Variants in TRAM1 observed in about 807,000 individuals in gnomAD.
TRAM1 encodes the protein translocating chain-associated membrane protein 1.
Under a neutral mutation model 48.7 loss-of-function variants are expected in TRAM1, and 17 were observed. The observed-to-expected ratio is 0.35, with a 90% CI of 0.24 to 0.52. The LOEUF (loss-of-function observed/expected upper bound fraction) is 0.52. Among genes scored for constraint, TRAM1 ranks in the 20% least tolerant of loss-of-function variants. The pLI is 0.94. For missense variants in TRAM1, 351 were observed against 441.5 expected, an observed-to-expected ratio of 0.79 and a Z score of 1.84; for synonymous variants, 182 against 154.0, an observed-to-expected ratio of 1.18 and a Z score of -1.34.
At chr8:70,588,239 G>T (rs1470279786) in intron 6 of TRAM1, among the ~76,000 whole-genome samples, 1 of 151,968 alleles carries the variant, frequency 6.6e-6, no homozygotes, top group East Asian at 1.9e-4. Context: ...CCTACTAGTG[G>T]ATCATGAAAT....
intron 10 of TRAM1, among the ~76,000 whole-genome samples, chr8:70,575,482 G>A (rs980596002): frequency 2.6e-5 from 4 of 151,966 alleles, no homozygotes; most frequent in Non-Finnish European, 4.4e-5. Flanking sequence ...GTAGTGGCAC[G>A]ATCATGGCTC....
chr8:70,581,610 G>A (rs1817075287), intron 10 of TRAM1, among the ~76,000 whole-genome samples: 1 of 152,164 alleles, frequency 6.6e-6, no homozygotes, highest in Non-Finnish European at 1.5e-5. Flanking sequence ...CCACTCCTAT[G>A]TATGTACCCT....
In TRAM1 at chr8:70,574,732, T is replaced by G. The variant is rs1311651069; in HGVS notation, c.*200A>C. 2 of 446,464 alleles carry G rather than the reference T, an allele frequency of 4.5e-6. No homozygotes were observed. Among genetic ancestry groups the G allele is most frequent in the Non-Finnish European group, 7.8e-6 (2 of 256,434 alleles). The allele number at this position is 446,464 out of a possible 1,614,324, so 27.7% of individuals were successfully genotyped here. ...TAAACTATTTTGAAGGCAGGTAGCTTAGTCTAAGCTAAAATATTTTTTTCA... is the reference window on the plus strand; with the variant it reads ...TAAACTATTTTGAAGGCAGGTAGCTGAGTCTAAGCTAAAATATTTTTTTCA... On this transcript the variant is annotated 3_prime_UTR_variant, in exon 11 of 11. Transcript: ENST00000262213.
At position 70,608,398 on chromosome 8, in the gene TRAM1, C is replaced by A; in HGVS notation, c.-199G>T. On this transcript the variant is annotated 5_prime_UTR_variant, in exon 1 of 11. Coordinates refer to ENST00000262213, the MANE Select transcript of TRAM1 (RefSeq NM_014294.6). ...GAAAAAAAAAAACACAACAGCTAGC[C>A]CGCAGCGGGGGCGAGCATGCGCACC... 1 of 499,810 alleles carries A rather than the reference C, an allele frequency of 2.0e-6. No individual in the cohort carries two copies. Among genetic ancestry groups the A allele is most frequent in the Non-Finnish European group, 3.2e-6 (1 of 308,222 alleles). 31.0% of individuals were successfully genotyped at this position (499,810 alleles called of 1,614,324 possible).
At chr8:70,595,968 G>A (rs1817477954) in intron 5 of TRAM1, among the ~76,000 whole-genome samples, 1 of 151,874 alleles carries the variant, frequency 6.6e-6, no homozygotes, top group South Asian at 2.1e-4. Context: ...AGAAGATGGA[G>A]TCATAAAAAG....
chr8:70,595,777 C>T (rs1177624000), intron 5 of TRAM1, among the ~76,000 whole-genome samples: 1 of 152,180 alleles, frequency 6.6e-6, no homozygotes, highest in African/African-American at 2.4e-5. Flanking sequence ...GAGCTGGGCT[C>T]GAATAATGAA....
At chr8:70,584,386 C>A (rs983149400) in intron 8 of TRAM1, among the ~76,000 whole-genome samples, 1 of 152,164 alleles carries the variant, frequency 6.6e-6, no homozygotes, top group African/African-American at 2.4e-5. Flanking sequence ...ACAGGGATGG[C>A]CTCTCTCACC....
intron 1 of TRAM1, among the ~76,000 whole-genome samples, chr8:70,601,637 A>G (rs1817609334): frequency 6.6e-6 from 1 of 152,242 alleles, no homozygotes; most frequent in African/African-American, 2.4e-5. Context: ...AATATCAGTT[A>G]AAAGTACAAA....
chr8:70,595,317 T>G (rs1206380063), intron 5 of TRAM1, among the ~76,000 whole-genome samples: 1 of 151,612 alleles, frequency 6.6e-6, no homozygotes, highest in Non-Finnish European at 1.5e-5. Flanking sequence ...GTGGTCGGGG[T>G]GGAGAGAATA....
In TRAM1 at chr8:70,591,876, G is replaced by A. The variant is rs117682765; in HGVS notation, c.570+2630C>T. ...TATAAGGTCTAATGAAGGAACCAGT[G>A]AGACAGAAGATGACGTCATGATGTG... On this transcript the variant is annotated intron_variant, in intron 6 of 10. Coordinates refer to ENST00000262213, the MANE Select transcript of TRAM1 (RefSeq NM_014294.6). Among the ~76,000 whole-genome samples, 633 of 152,154 alleles carry A rather than the reference G, an allele frequency of 4.2e-3. 1 individual carries two copies. The highest frequency in any genetic ancestry group is 0.029 in the South Asian group (139 of 4,824).
chr8:70,581,518 G>A (rs1817073701), intron 10 of TRAM1, among the ~76,000 whole-genome samples: 1 of 152,176 alleles, frequency 6.6e-6, no homozygotes. Flanking sequence ...TAAACTGAGT[G>A]TAAAATAGTA....
chr8:70,583,797 C>T lies in TRAM1; in HGVS notation c.747-4G>A, dbSNP rs769410454. On this transcript the variant is annotated splice_region_variant and splice_polypyrimidine_tract_variant and intron_variant, in intron 8 of 10. Coordinates refer to ENST00000262213, the MANE Select transcript of TRAM1 (RefSeq NM_014294.6). ...AAGAACTGCCCACAGAGAAAATCTG[C>T]AAGAAAAAGGCCGTAAGTCAAATTC... The T allele has an allele frequency of 6.6e-7, 1 of 1,524,068 alleles. No homozygotes were observed. The highest frequency in any genetic ancestry group is 8.8e-7 in the Non-Finnish European group (1 of 1,142,052). 94.4% of individuals were successfully genotyped at this position (1,524,068 alleles called of 1,614,324 possible). A position where few individuals can be genotyped will look rare whatever the true frequency, so the allele number is the denominator to read the frequency against.
chr8:70,599,936 A>G, intron 2 of TRAM1, 83 bp downstream of exon 2: 1 of 986,400 alleles, frequency 1.0e-6, no homozygotes, highest in Admixed American at 1.8e-5. Flanking sequence ...TAATTAACGC[A>G]GGACCTAGCA....
chr8:70,578,407 G>A (rs1334278349), intron 10 of TRAM1, among the ~76,000 whole-genome samples: 1 of 152,228 alleles, frequency 6.6e-6, no homozygotes, highest in Non-Finnish European at 1.5e-5. Flanking sequence ...GAGACTGGTG[G>A]GCAGATCACT....
intron 10 of TRAM1, among the ~76,000 whole-genome samples, chr8:70,577,047 G>A (rs567739055): frequency 3.3e-5 from 5 of 152,332 alleles, no homozygotes; most frequent in Admixed American, 3.3e-4. Context: ...GTGGCGAGCA[G>A]GGGGACATAT....
chr8:70,589,964 C>T (rs1817315142), intron 6 of TRAM1, among the ~76,000 whole-genome samples: 1 of 152,084 alleles, frequency 6.6e-6, no homozygotes, highest in South Asian at 2.1e-4. Flanking sequence ...GAAGGTGGCA[C>T]ATAAATGACT....
chr8:70,606,382 G>A (rs1817718587), intron 1 of TRAM1, among the ~76,000 whole-genome samples: 1 of 152,178 alleles, frequency 6.6e-6, no homozygotes, highest in South Asian at 2.1e-4. Flanking sequence ...CATTTGTAGA[G>A]ACAGGGTCTC....
intron 1 of TRAM1, chr8:70,606,746 A>C (rs1817727827): frequency 3.5e-6 from 1 of 283,702 alleles, no homozygotes; most frequent in Non-Finnish European, 5.3e-6. Context: ...CACAATCAGG[A>C]GTAAATAATA....
At chr8:70,603,392 C>A (rs1817651493) in intron 1 of TRAM1, among the ~76,000 whole-genome samples, 2 of 151,844 alleles carry the variant, frequency 1.3e-5, no homozygotes, top group African/African-American at 4.8e-5. Context: ...TATGAAGTCA[C>A]CACTGTCACA....
Sources: gnomAD v4.1 joint callset for allele counts (sites outside exome capture counted in the v4.1 genomes callset) on GRCh38, gnomAD v4.1.1 for gene constraint, MANE v1.5 for transcripts, NCBI Gene and HGNC (gene_info 2026-07-23, HGNC 2026-07-21) for gene names.